SPTLC1: variants seen among roughly 807,000 people sequenced by gnomAD.
The protein encoded by SPTLC1 is serine palmitoyltransferase long chain base subunit 1.
A neutral mutation model predicts 68.9 loss-of-function variants in SPTLC1; 55 were observed. That is an observed-to-expected ratio of 0.80 (90% CI 0.64 to 1.00). The LOEUF (loss-of-function observed/expected upper bound fraction) is 1.00, where lower values mean the gene tolerates loss of function less well. SPTLC1 is among the 50% of genes least tolerant of loss of function. The pLI, the probability that SPTLC1 is intolerant of heterozygous loss-of-function variation, is 0.00. For synonymous variants in SPTLC1, 197 were observed against 201.6 expected (o/e 0.98, Z 0.19); for missense variants, 449 against 573.1 (o/e 0.78, Z 2.21).
chr9:92,034,384 T>C (rs1262305431), intron 14 of SPTLC1, among the ~76,000 whole-genome samples: 1 of 152,268 alleles, frequency 6.6e-6, no homozygotes, highest in African/African-American at 2.4e-5. Context: ...TGCTTGTTTT[T>C]TCTCAAATGT....
chr9:92,084,352 C>T (rs2118705086), intron 3 of SPTLC1, among the ~76,000 whole-genome samples: 1 of 152,128 alleles, frequency 6.6e-6, no homozygotes, highest in East Asian at 1.9e-4. Flanking sequence ...AGTTTTTGCC[C>T]ATTCAGCATG....
At chr9:92,105,364 T>G in intron 3 of SPTLC1, 2 of 1,515,944 alleles carry the variant, frequency 1.3e-6, no homozygotes, top group Non-Finnish European at 1.8e-6. Flanking sequence ...GGTTGTTAAG[T>G]AGAACATCAA....
intron 3 of SPTLC1, among the ~76,000 whole-genome samples, chr9:92,082,334 C>T (rs970364760): frequency 6.6e-6 from 1 of 151,680 alleles, no homozygotes; most frequent in African/African-American, 2.4e-5. Context: ...TGGTGTGCTG[C>T]ACCCATTAAC....
At chr9:92,079,459 A>G in intron 5 of SPTLC1, 1 of 1,606,198 alleles carries the variant, frequency 6.2e-7, no homozygotes, top group East Asian at 2.2e-5. Context: ...TTCTTTGATG[A>G]CTCCCAGGGA....
At chr9:92,114,757 A>G (rs1194745815) in intron 1 of SPTLC1, among the ~76,000 whole-genome samples, 2 of 152,130 alleles carry the variant, frequency 1.3e-5, no homozygotes, top group Non-Finnish European at 2.9e-5. Context: ...ACAAAAATAA[A>G]TAAATAAAAA....
chr9:92,035,547 G>A (rs1179862375), intron 13 of SPTLC1, among the ~76,000 whole-genome samples: 2 of 152,174 alleles, frequency 1.3e-5, no homozygotes, highest in Non-Finnish European at 2.9e-5. Context: ...TTTCTTTCTG[G>A]AGTGATGAAA....
chr9:92,059,579 A>G (rs12237598), intron 6 of SPTLC1, among the ~76,000 whole-genome samples: 11,534 of 152,306 alleles, frequency 0.076, 804 homozygotes, highest in East Asian at 0.27. Flanking sequence ...TATGGATGAC[A>G]TATCAGTTTA....
At chr9:92,055,675 G>A (rs979894575) in intron 7 of SPTLC1, among the ~76,000 whole-genome samples, 181 bp from the exon 8 acceptor site, 19 of 152,150 alleles carry the variant, frequency 1.2e-4, no homozygotes, top group Non-Finnish European at 1.8e-4. Context: ...TCTTCTCTCA[G>A]ACGTTTTTCA....
intron 3 of SPTLC1, among the ~76,000 whole-genome samples, chr9:92,094,673 G>T (rs569631463): frequency 1.3e-5 from 2 of 152,084 alleles, no homozygotes; most frequent in African/African-American, 4.8e-5. Context: ...TAGTTTTATC[G>T]TCCTTCCAAT....
At chr9:92,088,022 G>C (rs1587585595) in intron 3 of SPTLC1, among the ~76,000 whole-genome samples, 1 of 152,260 alleles carries the variant, frequency 6.6e-6, no homozygotes, top group African/African-American at 2.4e-5. Flanking sequence ...CAATCAGCGA[G>C]ACTGTGTGGG....
At chr9:92,062,416 C>T (rs1834138409) in intron 6 of SPTLC1, among the ~76,000 whole-genome samples, 1 of 152,152 alleles carries the variant, frequency 6.6e-6, no homozygotes. Flanking sequence ...CAGTTGGAAA[C>T]TTCATTATCC....
chr9:92,097,530 G>C (rs1835574923), intron 3 of SPTLC1, among the ~76,000 whole-genome samples: 1 of 152,178 alleles, frequency 6.6e-6, no homozygotes, highest in Non-Finnish European at 1.5e-5. Context: ...CTACAATGTG[G>C]ATGAGTCCTG....
In SPTLC1 at chr9:92,100,889, C is replaced by T. The variant is rs1456062044; in HGVS notation, c.260+7851G>A. Among the ~76,000 whole-genome samples the T allele has an allele frequency of 3.3e-5, 5 of 151,836 alleles. No individual in the cohort carries two copies. The East Asian group carries it at 7.7e-4, about 24-fold the overall frequency. On this transcript the variant is annotated intron_variant, in intron 3 of 14. Coordinates refer to ENST00000262554, the MANE Select transcript of SPTLC1 (RefSeq NM_006415.4). ...AAGCACAGATATTACACTACTGTGT[C>T]CTCCTAGAACTAAAGCAGATGCAGC...
intron 8 of SPTLC1, among the ~76,000 whole-genome samples, chr9:92,054,871 C>A (rs1187510669): frequency 6.6e-6 from 1 of 152,014 alleles, no homozygotes; most frequent in African/African-American, 2.4e-5. Flanking sequence ...AAGATGGCGC[C>A]ACTGCACTCC....
In SPTLC1 at chr9:92,115,360, G is replaced by A. The variant is rs1836415043; in HGVS notation, c.11C>T (p.Ala4Val). The part of the protein sequence containing the change: MAT[A>V]TEQWVLVEMV... ...CTCCACCAGAACCCACTGCTCCGTG[G>A]CGGTCGCCATAGTTAGCCGCTTCCT... is the stretch of plus-strand genomic sequence containing the variant. The change falls in exon 1 of 15, where the codon GCC (alanine) becomes GTC (valine). Residue 4 changes from alanine to valine, a missense_variant. Around this residue, in one of 3 missense-constraint regions of SPTLC1, gnomAD observed 46 missense variants for 57.8 expected, o/e 0.80. Coordinates refer to ENST00000262554, the MANE Select transcript of SPTLC1 (RefSeq NM_006415.4). 1.9e-6 allele frequency: 3 copies of A among 1,613,068 alleles called. No homozygotes were observed. The highest frequency in any genetic ancestry group is 2.5e-6 in the Non-Finnish European group (3 of 1,179,986).
chr9:92,088,535 G>C (rs891728375), intron 3 of SPTLC1, among the ~76,000 whole-genome samples: 3 of 152,136 alleles, frequency 2.0e-5, no homozygotes, highest in Non-Finnish European at 2.9e-5. Context: ...GGTATTGGCA[G>C]TCACAAAAAG....
chr9:92,042,402 A>C (rs1381367815), intron 12 of SPTLC1, among the ~76,000 whole-genome samples: 1 of 152,234 alleles, frequency 6.6e-6, no homozygotes, highest in Non-Finnish European at 1.5e-5. Context: ...GGAAATACTA[A>C]GAGTTTAGAA....
At chr9:92,060,677 C>A (rs1031068517) in intron 6 of SPTLC1, among the ~76,000 whole-genome samples, 2 of 149,534 alleles carry the variant, frequency 1.3e-5, no homozygotes, top group Admixed American at 1.3e-4. Flanking sequence ...GAGGCCAAGG[C>A]GGGTGGATCA....
intron 2 of SPTLC1, chr9:92,111,446 C>T (rs561643671): frequency 5.9e-5 from 9 of 152,294 alleles, no homozygotes; most frequent in African/African-American, 1.9e-4. Context: ...ATATGACTAG[C>T]ATGTATTATG....
Sources: allele counts gnomAD v4.1 joint callset (sites outside exome capture counted in the v4.1 genomes callset), GRCh38; gene constraint gnomAD v4.1.1; regional missense constraint gnomAD v4.1.1; transcripts MANE v1.5; gene names NCBI Gene and HGNC (gene_info 2026-07-23, HGNC 2026-07-21).